Variants in IGSF11 observed in about 807,000 individuals in gnomAD.
IGSF11 encodes immunoglobulin superfamily member 11.
A neutral mutation model predicts 41.0 loss-of-function variants in IGSF11; 22 were observed. The observed-to-expected ratio is 0.54, with a 90% CI of 0.38 to 0.77. The LOEUF is 0.77. Ranked by LOEUF, IGSF11 falls within the 30% of genes least tolerant of loss-of-function variation. The pLI is 0.00. For missense variants in IGSF11, 444 were observed against 530.8 expected, an observed-to-expected ratio of 0.84 and a Z score of 1.61; for synonymous variants, 219 against 201.3, an observed-to-expected ratio of 1.09 and a Z score of -0.74.
intron 4 of IGSF11, among the ~76,000 whole-genome samples, chr3:118,921,470 C>A (rs75956591): frequency 0.031 from 4,787 of 152,234 alleles, 106 homozygotes; most frequent in Non-Finnish European, 0.044. Flanking sequence ...GAGTTTAAAA[C>A]TTCATAAGAG....
chr3:119,131,702 A>T (rs948406462), intron 1 of IGSF11, among the ~76,000 whole-genome samples: 1 of 152,154 alleles, frequency 6.6e-6, no homozygotes, highest in Non-Finnish European at 1.5e-5. Flanking sequence ...TACAGAGAAC[A>T]CCACAAAGAT....
chr3:119,088,504 G>C (rs1435659), intron 1 of IGSF11, among the ~76,000 whole-genome samples: 63,716 of 151,830 alleles, frequency 0.42, 14,247 homozygotes, highest in Non-Finnish European at 0.51. Context: ...ATCTAACTTT[G>C]TGCCTAAAGG....
chr3:118,994,090 C>T (rs949588008), intron 1 of IGSF11, among the ~76,000 whole-genome samples: 1 of 152,084 alleles, frequency 6.6e-6, no homozygotes, highest in Admixed American at 6.5e-5. Context: ...GAAAGCAGTC[C>T]CTCAAGCTAC....
chr3:119,051,671 T>C (rs968915863), intron 1 of IGSF11, among the ~76,000 whole-genome samples: 1 of 152,192 alleles, frequency 6.6e-6, no homozygotes, highest in Non-Finnish European at 1.5e-5. Context: ...AACTGCACAA[T>C]ATACATTCTA....
At chr3:119,039,335 C>T (rs1941029829), upstream of IGSF11, among the ~76,000 whole-genome samples, 1 of 152,078 alleles carries the variant, frequency 6.6e-6, no homozygotes, top group African/African-American at 2.4e-5. Flanking sequence ...TTCTAGAGCC[C>T]ACCTACTTTC....
chr3:119,069,877 T>C (rs1348378598), intron 1 of IGSF11, among the ~76,000 whole-genome samples: 1 of 152,208 alleles, frequency 6.6e-6, no homozygotes, highest in Non-Finnish European at 1.5e-5. Flanking sequence ...CTGAGACCTA[T>C]TTCTTCCCAG....
chr3:118,910,858 C>A (rs1018508784), intron 4 of IGSF11, among the ~76,000 whole-genome samples: 5 of 152,140 alleles, frequency 3.3e-5, no homozygotes, highest in African/African-American at 7.2e-5. Context: ...ATTTAAGAAC[C>A]TTTTCCTGCT....
chr3:119,039,988 C>T (rs756648403), intron 1 of IGSF11, among the ~76,000 whole-genome samples: 6 of 152,174 alleles, frequency 3.9e-5, no homozygotes, highest in South Asian at 2.1e-4. Context: ...TAAACAAAGA[C>T]GATAACAGCC....
At chr3:119,073,204 T>C (rs544913757) in intron 1 of IGSF11, among the ~76,000 whole-genome samples, 2 of 151,684 alleles carry the variant, frequency 1.3e-5, no homozygotes, top group Admixed American at 1.3e-4. Flanking sequence ...ATTAGCTAGA[T>C]ACAGAGTGCT....
At chr3:119,067,529 T>C (rs1247296127) in intron 1 of IGSF11, among the ~76,000 whole-genome samples, 1 of 152,226 alleles carries the variant, frequency 6.6e-6, no homozygotes, top group Non-Finnish European at 1.5e-5. Flanking sequence ...TAAGTTATCA[T>C]GAGACTGCAG....
At chr3:119,100,571 T>A (rs2076923783) in intron 1 of IGSF11, among the ~76,000 whole-genome samples, 1 of 152,220 alleles carries the variant, frequency 6.6e-6, no homozygotes, top group African/African-American at 2.4e-5. Flanking sequence ...ATGTTTTAGT[T>A]TATTATCATT....
chr3:119,082,939 G>C (rs954622660), intron 1 of IGSF11, among the ~76,000 whole-genome samples: 10 of 151,912 alleles, frequency 6.6e-5, no homozygotes, highest in African/African-American at 2.4e-4. Flanking sequence ...AAAAATATCA[G>C]TAAAGATTAT....
At position 119,117,853 on chromosome 3, in the gene IGSF11, C is replaced by G. The variant is rs141285390; in HGVS notation, c.-13-12648G>C. Among the ~76,000 whole-genome samples, 579 of 152,282 alleles carry G rather than the reference C, an allele frequency of 3.8e-3. 10 individuals carry two copies. Among genetic ancestry groups the G allele is most frequent in the African/African-American group, 0.013 (552 of 41,560 alleles). ...CCCAAATGGGAAAAATTGGCTAAAACAAAGGGGCTATAGGCCCTATGTAAG... is the reference window on the plus strand; with the variant it reads ...CCCAAATGGGAAAAATTGGCTAAAAGAAAGGGGCTATAGGCCCTATGTAAG... On this transcript the variant is annotated intron_variant, in intron 1 of 7. Transcript: ENST00000425327.
At chr3:119,086,607 A>C (rs1480668516) in intron 1 of IGSF11, among the ~76,000 whole-genome samples, 1 of 152,296 alleles carries the variant, frequency 6.6e-6, no homozygotes, top group East Asian at 1.9e-4. Context: ...ATGGGGGCCT[A>C]TTTTCAGCAC....
At chr3:119,022,659 A>C (rs1375951714) in intron 1 of IGSF11, among the ~76,000 whole-genome samples, 1 of 152,192 alleles carries the variant, frequency 6.6e-6, no homozygotes, top group East Asian at 1.9e-4. Flanking sequence ...AAACACCTAC[A>C]TACATACACA....
chr3:119,083,666 A>G (rs1485508750), intron 1 of IGSF11, among the ~76,000 whole-genome samples: 1 of 152,218 alleles, frequency 6.6e-6, no homozygotes, highest in Non-Finnish European at 1.5e-5. Context: ...ACATGTAGCC[A>G]TTGTAACATC....
intron 1 of IGSF11, among the ~76,000 whole-genome samples, chr3:118,963,087 G>C (rs1396777397): frequency 2.0e-5 from 3 of 152,046 alleles, no homozygotes; most frequent in African/African-American, 7.2e-5. Context: ...GAAATCTCTG[G>C]GCTCTGGTGA....
chr3:119,051,441 T>C (rs1941623696), intron 1 of IGSF11, among the ~76,000 whole-genome samples: 1 of 152,128 alleles, frequency 6.6e-6, no homozygotes, highest in South Asian at 2.1e-4. Flanking sequence ...ATTCTAAATA[T>C]ACATGCACCT....
intron 1 of IGSF11, among the ~76,000 whole-genome samples, chr3:119,010,765 C>A (rs1702332024): frequency 6.6e-6 from 1 of 152,142 alleles, no homozygotes; most frequent in South Asian, 2.1e-4. Context: ...TTCTACATAT[C>A]TATATATATC....
Sources: allele counts gnomAD v4.1 joint callset (sites outside exome capture counted in the v4.1 genomes callset), GRCh38; gene constraint gnomAD v4.1.1; transcripts MANE v1.5; gene names NCBI Gene and HGNC (gene_info 2026-07-23, HGNC 2026-07-21).